MAPRE1: variants seen among roughly 807,000 people sequenced by gnomAD.
The protein encoded by MAPRE1 is microtubule associated protein RP/EB family member 1.
In MAPRE1, 5 loss-of-function variants were observed where a neutral mutation model predicts 32.1. The observed-to-expected ratio is 0.16, with a 90% CI of 0.08 to 0.33. The LOEUF is 0.33. MAPRE1 is among the 10% of genes least tolerant of loss of function. The probability of loss-of-function intolerance (pLI) is 1.00; values close to 1 mark genes in which losing one functional copy is unlikely to be tolerated. For synonymous variants in MAPRE1, 122 were observed against 118.9 expected (o/e 1.03, Z -0.17); for missense variants, 209 against 327.2 (o/e 0.64, Z 2.79).
chr20:32,836,937 G>A, intron 4 of MAPRE1, 96 bp downstream of exon 4: 2 of 1,077,186 alleles, frequency 1.9e-6, no homozygotes, highest in Non-Finnish European at 1.3e-6. Flanking sequence ...TAGGCTTAGG[G>A]ATCTTAAGAA....
chr20:32,820,844 T>A (rs1982677440), intron 1 of MAPRE1, among the ~76,000 whole-genome samples: 2 of 152,222 alleles, frequency 1.3e-5, no homozygotes, highest in South Asian at 4.1e-4. Context: ...TGGGGCCCAT[T>A]GAGGGAGGTT....
At chr20:32,822,716 A>G (rs1449301481) in intron 1 of MAPRE1, among the ~76,000 whole-genome samples, 1 of 152,214 alleles carries the variant, frequency 6.6e-6, no homozygotes, top group African/African-American at 2.4e-5. Flanking sequence ...TCACACAACT[A>G]ATGAGTGACT....
chr20:32,845,590 G>A (rs1255313002), intron 5 of MAPRE1, among the ~76,000 whole-genome samples: 1 of 152,062 alleles, frequency 6.6e-6, no homozygotes, highest in Non-Finnish European at 1.5e-5. Flanking sequence ...GTTGTGTTTG[G>A]TGTCTTCATC....
Position 32,848,618 on chromosome 20 carries a change from T to C in MAPRE1, c.751-54T>C, listed in dbSNP as rs1600337720. On this transcript the variant is annotated intron_variant, in intron 6 of 6. Transcript: ENST00000375571. ...GGCTGTAAGTATGAGGAAAGTGAAC[T>C]CACAGTAGAAATGGATCTTTCAGTG... 6 of 1,402,974 alleles carry C rather than the reference T, an allele frequency of 4.3e-6. No individual in the cohort carries two copies. The East Asian group carries it at 1.1e-4, about 27-fold the overall frequency. 86.9% of individuals were successfully genotyped at this position (1,402,974 alleles called of 1,614,324 possible).
intron 6 of MAPRE1, 65 bp downstream of exon 6, chr20:32,846,835 T>G: frequency 6.6e-7 from 1 of 1,517,928 alleles, no homozygotes; most frequent in Non-Finnish European, 9.1e-7. Context: ...AACTCTGTGC[T>G]GATGCTTGTT....
intron 5 of MAPRE1, among the ~76,000 whole-genome samples, chr20:32,840,523 C>T (rs1240628991): frequency 6.6e-6 from 1 of 152,168 alleles, no homozygotes; most frequent in African/African-American, 2.4e-5. Flanking sequence ...TAGGGTCTCA[C>T]TATGGTGCCA....
At chr20:32,844,644 C>T (rs1474908106) in intron 5 of MAPRE1, among the ~76,000 whole-genome samples, 1 of 151,634 alleles carries the variant, frequency 6.6e-6, no homozygotes, top group East Asian at 1.9e-4. Flanking sequence ...GATCTCTTGA[C>T]CTCGTGATCC....
rs918515527 is a variant in MAPRE1, at chr20:32,849,745, C to T, written c.*1017C>T. On this transcript the variant is annotated 3_prime_UTR_variant, in exon 7 of 7. Coordinates refer to ENST00000375571, the MANE Select transcript of MAPRE1 (RefSeq NM_012325.3). ...ATCATGCTGCAAGTTCTTTCTGGAC[C>T]TCTGGCAAAGGGAGTGGTCAGTGAA... 4.6e-5 allele frequency: 7 copies of T among 152,640 alleles called. No individual in the cohort carries two copies. Among genetic ancestry groups the T allele is most frequent in the African/African-American group, 1.7e-4 (7 of 41,438 alleles). The allele number at this position is 152,640 out of a possible 1,614,324, so 9.5% of individuals were successfully genotyped here. A position where few individuals can be genotyped will look rare whatever the true frequency, so the allele number is the denominator to read the frequency against.
rs140180557 is a variant in MAPRE1 at position 32,839,152 on chromosome 20, C to G, written c.476-583C>G. Among the ~76,000 whole-genome samples, 803 of 152,290 alleles carry G rather than the reference C, an allele frequency of 5.3e-3. 8 individuals are homozygous for G. Among genetic ancestry groups the G allele is most frequent in the African/African-American group, 0.018 (763 of 41,560 alleles). On this transcript the variant is annotated intron_variant, in intron 4 of 6. Coordinates refer to ENST00000375571, the MANE Select transcript of MAPRE1 (RefSeq NM_012325.3). ...TAAAGCAATTCATGGGAAGAGCAGGCTCTCCTGCTCTTATGGATTCCCTCC... is the reference window on the plus strand; with the variant it reads ...TAAAGCAATTCATGGGAAGAGCAGGGTCTCCTGCTCTTATGGATTCCCTCC...
At chr20:32,831,049 T>G (rs1006462904) in intron 2 of MAPRE1, among the ~76,000 whole-genome samples, 3 of 152,032 alleles carry the variant, frequency 2.0e-5, no homozygotes, top group African/African-American at 2.4e-5. Flanking sequence ...GCCTAAGTCT[T>G]CAAGCACCTC....
chr20:32,828,359 C>G (rs946618765), intron 2 of MAPRE1, among the ~76,000 whole-genome samples: 2 of 152,168 alleles, frequency 1.3e-5, no homozygotes, highest in Non-Finnish European at 2.9e-5. Context: ...CTAAAATTTA[C>G]CTTTTTCTGT....
chr20:32,823,185 G>C (rs1197335973), intron 1 of MAPRE1, among the ~76,000 whole-genome samples: 1 of 152,226 alleles, frequency 6.6e-6, no homozygotes, highest in African/African-American at 2.4e-5. Flanking sequence ...AAGGGGACTG[G>C]ATGGGTGGAT....
intron 5 of MAPRE1, 86 bp downstream of exon 5, chr20:32,839,942 T>C (rs1281874544): frequency 1.9e-6 from 3 of 1,553,826 alleles, no homozygotes; most frequent in African/African-American, 2.7e-5. Context: ...TGTTCTTAAA[T>C]GAACACCTGC....
Position 32,848,943 on chromosome 20 carries a change from T to TA in MAPRE1, c.*216dup, listed in dbSNP as rs1301995218. ...CTTGTAGCAGAGCAGTATTAACACC[T>TA]AGTTGGTTCACCTGGAAAACAGAGA... is the stretch of plus-strand genomic sequence containing the variant. On this transcript the variant is annotated 3_prime_UTR_variant, in exon 7 of 7. Transcript: ENST00000375571. The TA allele has an allele frequency of 2.6e-6, 1 of 384,162 alleles. No homozygotes were observed. The highest frequency in any genetic ancestry group is 4.7e-6 in the Non-Finnish European group (1 of 214,196). The allele number at this position is 384,162 out of a possible 1,614,324, so 23.8% of individuals were successfully genotyped here.
chr20:32,826,590 A>G (rs1982859607), intron 2 of MAPRE1, among the ~76,000 whole-genome samples: 1 of 125,332 alleles, frequency 8.0e-6, no homozygotes, highest in African/African-American at 3.1e-5. Context: ...GCAGTGGTGC[A>G]GTCTTGGCTC....
At position 32,846,695 on chromosome 20, in the gene MAPRE1, A is replaced by G; in HGVS notation, c.675A>G (p.Glu225=). The G allele has an allele frequency of 6.2e-7, 1 of 1,608,418 alleles. No individual in the cohort carries two copies. The highest frequency in any genetic ancestry group is 2.3e-5 in the East Asian group (1 of 44,224). The part of the protein sequence containing the change: ...DFYFGKLRNI[E]LICQENEGEN... ...ACTTCGGAAAGCTACGGAACATTGAATTGATTTGCCAGGAGAACGAGGGGG... is the reference window on the plus strand; with the variant it reads ...ACTTCGGAAAGCTACGGAACATTGAGTTGATTTGCCAGGAGAACGAGGGGG... The change falls in exon 6 of 7, where the codon GAA becomes GAG. Residue 225 remains glutamate (E), a synonymous_variant. Transcript: ENST00000375571.
rs1983610651 is a variant in MAPRE1 at position 32,850,333 on chromosome 20, C to T, written c.*1605C>T. 2.0e-5 allele frequency: 3 copies of T among 152,536 alleles called. No homozygotes were observed. The South Asian group carries it at 6.2e-4, about 32-fold the overall frequency. The allele number at this position is 152,536 out of a possible 1,614,324, so 9.4% of individuals were successfully genotyped here. On this transcript the variant is annotated 3_prime_UTR_variant, in exon 7 of 7. Coordinates refer to ENST00000375571, the MANE Select transcript of MAPRE1 (RefSeq NM_012325.3). The stretch of plus-strand genomic sequence containing the variant: ...TCCATTTTATTGGGAACCCATTTTC[C>T]ACCTGGTCTTTCTTGACAGGGTTTT...
rs1383556034 is a variant in MAPRE1, at chr20:32,836,775, G to T, written c.409G>T (p.Val137Leu). 4 of 1,614,060 alleles carry T rather than the reference G, an allele frequency of 2.5e-6. No individual in the cohort carries two copies. Among genetic ancestry groups the T allele is most frequent in the Non-Finnish European group, 3.4e-6 (4 of 1,180,038 alleles). Residue 137 changes from valine (V) to leucine (L), a missense_variant, in exon 4 of 7, where the codon GTG becomes TTG. This residue lies in a region of MAPRE1 where 106 missense variants were observed against 115.3 expected (regional missense o/e 0.92). Coordinates refer to ENST00000375571, the MANE Select transcript of MAPRE1 (RefSeq NM_012325.3). ...TGCCAGACAAGGTCAAGAAACTGCA[G>T]TGGCTCCTTCCCTTGTTGCTCCAGC... Reference protein sequence around the residue: ...VAARQGQETAVAPSLVAPALN... With the variant: ...VAARQGQETALAPSLVAPALN...
rs71190880 is a variant in MAPRE1 at position 32,844,439 on chromosome 20, C to CTTTTTTTTTTTTTTT, written c.598-2162_598-2148dup. Among the ~76,000 whole-genome samples the CTTTTTTTTTTTTTTT allele has an allele frequency of 5.6e-4, 29 of 52,052 alleles. 5 individuals carry two copies. The highest frequency in any genetic ancestry group is 1.3e-3 in the East Asian group (2 of 1,492). 34.1% of individuals were successfully genotyped at this position (52,052 alleles called of 152,430 possible). On this transcript the variant is annotated intron_variant, in intron 5 of 6. Coordinates refer to ENST00000375571, the MANE Select transcript of MAPRE1 (RefSeq NM_012325.3). ...CTAGGTGGATACCAAGCTAGCATTC[C>CTTTTTTTTTTTTTTT]TTTTTTTTTTTTTTTTTTTTTTTTT...
Sources: gnomAD v4.1 joint callset for allele counts (sites outside exome capture counted in the v4.1 genomes callset) on GRCh38, gnomAD v4.1.1 for gene constraint, gnomAD v4.1.1 regional missense constraint, MANE v1.5 for transcripts, NCBI Gene and HGNC (gene_info 2026-07-23, HGNC 2026-07-21) for gene names.